ZNF423: variants seen among roughly 807,000 people sequenced by gnomAD.
The protein encoded by ZNF423 is zinc finger protein 423.
ZNF423 carries 12 observed loss-of-function variants against 95.8 expected under a neutral mutation model. The observed-to-expected ratio is 0.13, with a 90% CI of 0.08 to 0.20. The LOEUF is 0.20. Ranked by LOEUF, ZNF423 falls within the 10% of genes least tolerant of loss-of-function variation. ZNF423 has a pLI of 1.00. For synonymous variants in ZNF423, 749 were observed against 711.9 expected (o/e 1.05, Z -0.83); for missense variants, 1,316 against 1,737.1 (o/e 0.76, Z 4.31).
intron 4 of ZNF423, among the ~76,000 whole-genome samples, chr16:49,631,621 GC>G (rs1254755353): frequency 6.6e-6 from 1 of 152,308 alleles, no homozygotes; most frequent in Admixed American, 6.5e-5. Flanking sequence ...GCAGAGGGGG[GC>G]CCCGGGCAGG....
intron 1 of ZNF423, among the ~76,000 whole-genome samples, chr16:49,832,741 A>G (rs1333116289): frequency 6.6e-6 from 1 of 152,110 alleles, no homozygotes; most frequent in Non-Finnish European, 1.5e-5. Flanking sequence ...CAGGGACATC[A>G]ATGAGTGACT....
At chr16:49,539,100 T>G (rs111662607) in intron 5 of ZNF423, among the ~76,000 whole-genome samples, 109 of 150,882 alleles carry the variant, frequency 7.2e-4, no homozygotes, top group African/African-American at 2.5e-3. Context: ...TGCCCTTCAG[T>G]GGCAGCAGGC....
At chr16:49,623,825 G>A (rs1433901651) in intron 5 of ZNF423, among the ~76,000 whole-genome samples, 1 of 152,226 alleles carries the variant, frequency 6.6e-6, no homozygotes, top group Non-Finnish European at 1.5e-5. Flanking sequence ...GGCACTGGGG[G>A]TAGAGGCTGT....
intron 3 of ZNF423, among the ~76,000 whole-genome samples, chr16:49,643,703 C>T (rs999077229): frequency 3.9e-4 from 60 of 151,922 alleles, no homozygotes; most frequent in African/African-American, 1.4e-3. Context: ...CACACACTTG[C>T]AAAATGGAGA....
At chr16:49,745,959 C>A (rs1238445031) in intron 2 of ZNF423, among the ~76,000 whole-genome samples, 1 of 152,178 alleles carries the variant, frequency 6.6e-6, no homozygotes, top group East Asian at 1.9e-4. Context: ...TGCGCCCCAA[C>A]ACCAGCTTAC....
At chr16:49,684,210 GCAGA>G (rs766299220) in intron 3 of ZNF423, among the ~76,000 whole-genome samples, 82 of 152,328 alleles carry the variant, frequency 5.4e-4, no homozygotes, top group Non-Finnish European at 9.3e-4. Flanking sequence ...TCTCATGTGT[GCAGA>G]CAAAGACCAA....
chr16:49,827,045 A>G (rs1050869317), intron 1 of ZNF423: 3 of 152,210 alleles, frequency 2.0e-5, no homozygotes, highest in Non-Finnish European at 4.4e-5. Flanking sequence ...ATCTGCTGCA[A>G]TTGAGCAAGT....
Position 49,666,340 on chromosome 16 carries a change from G to A in ZNF423, c.302-27466C>T, listed in dbSNP as rs115536129. 5.5e-3 allele frequency among the ~76,000 whole-genome samples: 831 copies of A among 152,202 alleles called. 7 individuals carry two copies. Among genetic ancestry groups the A allele is most frequent in the African/African-American group, 0.019 (780 of 41,518 alleles). Reference sequence around the variant, plus strand: ...ACTTCTCCATTCCCCACCTGCCTTCGACAGAGGCGTAAACACACCTACGAC... The same window carrying A: ...ACTTCTCCATTCCCCACCTGCCTTCAACAGAGGCGTAAACACACCTACGAC... On this transcript the variant is annotated intron_variant, in intron 3 of 7. Transcript: ENST00000563137.
chr16:49,618,216 A>G lies in ZNF423; in HGVS notation c.3601+7954T>C, dbSNP rs146002355. Among the ~76,000 whole-genome samples, 12 of 152,376 alleles carry G rather than the reference A, an allele frequency of 7.9e-5. No individual in the cohort carries two copies. The East Asian group carries it at 2.3e-3, about 29-fold the overall frequency. On this transcript the variant is annotated intron_variant, in intron 5 of 7. Coordinates refer to ENST00000563137, the MANE Select transcript of ZNF423 (RefSeq NM_001379286.1). ...CATGACACCTCAACTCCCCATGGATAAAAGGAAGTAATGACAGCACGTCTC... is the reference window on the plus strand; with the variant it reads ...CATGACACCTCAACTCCCCATGGATGAAAGGAAGTAATGACAGCACGTCTC...
chr16:49,660,046 C>T (rs1314523852), intron 3 of ZNF423, among the ~76,000 whole-genome samples: 1 of 152,212 alleles, frequency 6.6e-6, no homozygotes, highest in Admixed American at 6.5e-5. Context: ...AACCACTTCC[C>T]TTATGCTTTT....
intron 5 of ZNF423, among the ~76,000 whole-genome samples, chr16:49,531,808 C>G (rs1968855276): frequency 6.6e-6 from 1 of 152,120 alleles, no homozygotes; most frequent in Admixed American, 6.5e-5. Flanking sequence ...ACCATGGGAG[C>G]CCCAACACCC....
Position 49,637,097 on chromosome 16 carries a change from G to A in ZNF423, c.2079C>T (p.Tyr693=). ...ESLLQHLTVH[Y]MTTSTHYVCE... is the part of the protein sequence containing the mutation. ...ACACATAGTGGGTCGACGTGGTCAT[G>A]TAATGCACTGTCAGGTGCTGCAGGA... The change falls in exon 4 of 8, where the codon TAC becomes TAT. Residue 693 remains tyrosine (Y), a synonymous_variant. Coordinates refer to ENST00000563137, the MANE Select transcript of ZNF423 (RefSeq NM_001379286.1). This position sits in a 1 kb window ranked among gnomAD's most constrained non-coding sequence, Gnocchi z 5.6. The A allele has an allele frequency of 1.2e-6, 2 of 1,613,686 alleles. No individual in the cohort carries two copies. The highest frequency in any genetic ancestry group is 2.2e-5 in the East Asian group (1 of 44,878).
intron 3 of ZNF423, among the ~76,000 whole-genome samples, chr16:49,676,136 C>T (rs1041380638): frequency 6.6e-6 from 1 of 152,238 alleles, no homozygotes; most frequent in Non-Finnish European, 1.5e-5. Flanking sequence ...ATCCACTGAT[C>T]AATGATACAG....
At chr16:49,568,908 G>A (rs922259037) in intron 5 of ZNF423, among the ~76,000 whole-genome samples, 2 of 151,992 alleles carry the variant, frequency 1.3e-5, no homozygotes, top group African/African-American at 4.8e-5. Context: ...TGGTCCCAGG[G>A]CCTTCCCACC....
At chr16:49,758,388 C>G (rs941281042) in intron 2 of ZNF423, among the ~76,000 whole-genome samples, 1 of 152,192 alleles carries the variant, frequency 6.6e-6, no homozygotes, top group Non-Finnish European at 1.5e-5. Context: ...ATCCACCCCC[C>G]TCAGCCTCCC....
chr16:49,818,494 G>A (rs559493283), intron 1 of ZNF423, among the ~76,000 whole-genome samples: 1 of 152,232 alleles, frequency 6.6e-6, no homozygotes, highest in African/African-American at 2.4e-5. Context: ...AGGATCACTG[G>A]AGCCCAGGAG....
At chr16:49,843,718 GT>G (rs1300455512) in intron 1 of ZNF423, among the ~76,000 whole-genome samples, 1 of 152,108 alleles carries the variant, frequency 6.6e-6, no homozygotes, top group African/African-American at 2.4e-5. Flanking sequence ...GGAGAATGGG[GT>G]CTTTCTTTTC....
intron 2 of ZNF423, among the ~76,000 whole-genome samples, chr16:49,737,173 A>AG (rs2033306584): frequency 6.6e-6 from 1 of 151,570 alleles, no homozygotes; most frequent in Non-Finnish European, 1.5e-5. Context: ...TTTGTCAATG[A>AG]GGAAAAAAAA....
intron 3 of ZNF423, among the ~76,000 whole-genome samples, chr16:49,694,749 G>C (rs1016988254): frequency 3.9e-5 from 6 of 152,304 alleles, no homozygotes; most frequent in Middle Eastern, 6.8e-3. Flanking sequence ...CTCTGGCCAG[G>C]GCAGGCACCG....
Sources: gnomAD v4.1 joint callset for allele counts (sites outside exome capture counted in the v4.1 genomes callset) on GRCh38, gnomAD v4.1.1 for gene constraint, Gnocchi (gnomAD v3.1) non-coding constraint, MANE v1.5 for transcripts, NCBI Gene and HGNC (gene_info 2026-07-23, HGNC 2026-07-21) for gene names.